The following SYT16 variants were observed in gnomAD, a reference collection of about 807,000 sequenced individuals.
SYT16 encodes synaptotagmin-16.
In SYT16, 42 loss-of-function variants were observed where a neutral mutation model predicts 61.4. That is an observed-to-expected ratio of 0.68 (90% CI 0.53 to 0.89). The LOEUF (loss-of-function observed/expected upper bound fraction) is 0.89. SYT16 is among the 40% of genes least tolerant of loss of function. The pLI is 0.00. For missense variants in SYT16, 804 were observed against 807.3 expected, an observed-to-expected ratio of 1.00 and a Z score of 0.05; for synonymous variants, 314 against 302.3, an observed-to-expected ratio of 1.04 and a Z score of -0.40.
intron 1 of SYT16, among the ~76,000 whole-genome samples, chr14:61,845,302 C>G (rs924899696): frequency 6.6e-6 from 1 of 152,150 alleles, no homozygotes; most frequent in Non-Finnish European, 1.5e-5. Context: ...CTGCCTCAGC[C>G]TCCCAAAGTG....
chr14:62,050,817 G>A (rs1595273152), intron 3 of SYT16, among the ~76,000 whole-genome samples: 1 of 152,202 alleles, frequency 6.6e-6, no homozygotes, highest in South Asian at 2.1e-4. Context: ...GCTGCTGCCT[G>A]ATCATTCCTC....
chr14:61,991,330 T>TTGTGTG (rs71117861), intron 2 of SYT16, among the ~76,000 whole-genome samples: 31,988 of 146,186 alleles, frequency 0.22, 3,828 homozygotes, highest in African/African-American at 0.33. Flanking sequence ...TGTTTTTCAT[T>TTGTGTG]TGTGTGTGTG....
At position 61,853,281 on chromosome 14, in the gene SYT16, T is replaced by G. The variant is rs567273030; in HGVS notation, c.-325+40471T>G. Among the ~76,000 whole-genome samples the G allele has an allele frequency of 2.0e-5, 3 of 152,362 alleles. No homozygotes were observed. The East Asian group carries it at 5.8e-4, about 29-fold the overall frequency. On this transcript the variant is annotated intron_variant, in intron 1 of 7. Transcript: ENST00000683842. The stretch of plus-strand genomic sequence containing the variant: ...AAAGTCAGAAGAATTAAAATTGTTT[T>G]GGACCCTTGAGTCACTGGGGCCCTT...
At chr14:62,004,544 C>T (rs1026541956) in intron 3 of SYT16, among the ~76,000 whole-genome samples, 3 of 152,084 alleles carry the variant, frequency 2.0e-5, no homozygotes, top group Non-Finnish European at 4.4e-5. Flanking sequence ...ATAACTTTAG[C>T]ATCAGTTTGG....
chr14:61,815,296 C>G (rs2045393328), intron 1 of SYT16, among the ~76,000 whole-genome samples: 1 of 152,190 alleles, frequency 6.6e-6, no homozygotes, highest in South Asian at 2.1e-4. Context: ...TTTAGCAGTC[C>G]TGTCTTGTCA....
chr14:61,869,820 A>G (rs1004017247), intron 1 of SYT16, among the ~76,000 whole-genome samples: 6 of 152,194 alleles, frequency 3.9e-5, no homozygotes, highest in Admixed American at 1.3e-4. Context: ...GAAGATGGCT[A>G]TCTGCAAACC....
chr14:62,076,039 A>C (rs2056484390), intron 5 of SYT16, among the ~76,000 whole-genome samples: 1 of 152,216 alleles, frequency 6.6e-6, no homozygotes, highest in Non-Finnish European at 1.5e-5. Context: ...TTTCAAGTAA[A>C]GCTTAGTCCA....
intron 1 of SYT16, among the ~76,000 whole-genome samples, chr14:61,919,952 T>G (rs1432283254): frequency 1.6e-5 from 1 of 64,024 alleles, no homozygotes; most frequent in East Asian, 5.0e-4. Context: ...TGATACACAT[T>G]TTATCACACT....
chr14:62,045,154 A>T (rs117692727), intron 3 of SYT16, among the ~76,000 whole-genome samples: 13,895 of 152,062 alleles, frequency 0.091, 683 homozygotes, highest in East Asian at 0.12. Flanking sequence ...ATAAATAAAT[A>T]AATAAATAAA....
intron 2 of SYT16, among the ~76,000 whole-genome samples, chr14:61,991,223 A>G (rs1429848831): frequency 1.3e-5 from 2 of 152,072 alleles, no homozygotes; most frequent in African/African-American, 2.4e-5. Context: ...GTGATGAGAT[A>G]TCATGAACCA....
intron 2 of SYT16, among the ~76,000 whole-genome samples, chr14:61,994,675 A>G (rs2052691075): frequency 6.6e-6 from 1 of 152,170 alleles, no homozygotes; most frequent in Non-Finnish European, 1.5e-5. Context: ...CGACACATGA[A>G]TTATTCAGCA....
chr14:61,870,989 T>A (rs2047314377), intron 1 of SYT16, among the ~76,000 whole-genome samples: 1 of 152,344 alleles, frequency 6.6e-6, no homozygotes, highest in Non-Finnish European at 1.5e-5. Flanking sequence ...GGATGTTAGA[T>A]ATTGTGAATT....
intron 1 of SYT16, among the ~76,000 whole-genome samples, chr14:61,889,226 A>G (rs1006321522): frequency 6.6e-6 from 1 of 152,126 alleles, no homozygotes; most frequent in Non-Finnish European, 1.5e-5. Context: ...GTGGATGGAA[A>G]ATTATTAAGA....
chr14:61,907,767 G>A (rs2048778924), intron 1 of SYT16, among the ~76,000 whole-genome samples: 1 of 152,200 alleles, frequency 6.6e-6, no homozygotes, highest in Admixed American at 6.5e-5. Flanking sequence ...GGCACAATAT[G>A]GGGAGAGACT....
chr14:62,100,050 A>G (rs962594826), intron 7 of SYT16, among the ~76,000 whole-genome samples: 14 of 152,236 alleles, frequency 9.2e-5, no homozygotes, highest in Admixed American at 3.3e-4. Context: ...ATCTTGTTAC[A>G]TAAATAAATG....
intron 3 of SYT16, among the ~76,000 whole-genome samples, chr14:62,046,668 A>G (rs979537734): frequency 3.9e-5 from 6 of 152,240 alleles, no homozygotes; most frequent in Admixed American, 2.0e-4. Flanking sequence ...AGCTTTCTAC[A>G]TATGGTTAGC....
At chr14:61,899,301 G>A (rs2048429187) in intron 1 of SYT16, among the ~76,000 whole-genome samples, 1 of 152,194 alleles carries the variant, frequency 6.6e-6, no homozygotes, top group African/African-American at 2.4e-5. Flanking sequence ...TGAGGGTCAG[G>A]TAGGGCCCTA....
intron 1 of SYT16, among the ~76,000 whole-genome samples, chr14:61,936,342 A>G (rs1005075461): frequency 6.6e-6 from 1 of 151,972 alleles, no homozygotes; most frequent in Non-Finnish European, 1.5e-5. Context: ...ACTGATAACT[A>G]TGGTTTAGTA....
chr14:62,080,532 TC>T (rs1443653666), intron 5 of SYT16, among the ~76,000 whole-genome samples: 1 of 152,234 alleles, frequency 6.6e-6, no homozygotes, highest in African/African-American at 2.4e-5. Flanking sequence ...GTTTCAATGA[TC>T]CTGGGCAATT....
Sources: gnomAD v4.1 joint callset for allele counts (sites outside exome capture counted in the v4.1 genomes callset) on GRCh38, gnomAD v4.1.1 for gene constraint, MANE v1.5 for transcripts, NCBI Gene and HGNC (gene_info 2026-07-23, HGNC 2026-07-21) for gene names.